The following TBC1D5 variants were observed in gnomAD, a reference collection of about 807,000 sequenced individuals.
TBC1D5 encodes TBC1 domain family, member 5.
In TBC1D5, 75 loss-of-function variants were observed where a neutral mutation model predicts 100.3. That is an observed-to-expected ratio of 0.75 (90% confidence interval 0.62 to 0.91). TBC1D5 has a LOEUF of 0.91. TBC1D5 is among the 40% of genes least tolerant of loss of function. The pLI is 0.00. For missense variants in TBC1D5, 910 were observed against 942.4 expected, an observed-to-expected ratio of 0.97 and a Z score of 0.45; for synonymous variants, 323 against 325.6, an observed-to-expected ratio of 0.99 and a Z score of 0.09.
chr3:17,696,103 T>G (rs2072023784), intron 1 of TBC1D5, among the ~76,000 whole-genome samples: 1 of 152,180 alleles, frequency 6.6e-6, no homozygotes, highest in Non-Finnish European at 1.5e-5. Context: ...TAAAGCAGTG[T>G]GTAGAGGGAA....
intron 18 of TBC1D5, among the ~76,000 whole-genome samples, chr3:17,207,740 T>C (rs1284211489): frequency 6.6e-6 from 1 of 152,232 alleles, no homozygotes; most frequent in Non-Finnish European, 1.5e-5. Context: ...TTGTCCAGGA[T>C]ATGTCATACC....
intron 2 of TBC1D5, among the ~76,000 whole-genome samples, chr3:17,594,478 G>A (rs1401895290): frequency 6.6e-6 from 1 of 152,212 alleles, no homozygotes; most frequent in African/African-American, 2.4e-5. Context: ...GTAAAAGGTA[G>A]TCATCAATAC....
At chr3:17,644,642 A>T (rs2064845089) in intron 1 of TBC1D5, among the ~76,000 whole-genome samples, 1 of 152,172 alleles carries the variant, frequency 6.6e-6, no homozygotes, top group South Asian at 2.1e-4. Context: ...TTCTTAAGAA[A>T]GATATTAAAA....
At chr3:17,407,202 A>G (rs1271214498) in intron 4 of TBC1D5, among the ~76,000 whole-genome samples, 2 of 152,174 alleles carry the variant, frequency 1.3e-5, no homozygotes, top group Admixed American at 6.6e-5. Flanking sequence ...CCAGGCATGC[A>G]GACACCAGGG....
At chr3:17,526,892 T>C (rs2096143284) in intron 2 of TBC1D5, among the ~76,000 whole-genome samples, 1 of 152,308 alleles carries the variant, frequency 6.6e-6, no homozygotes, top group East Asian at 1.9e-4. Context: ...AGATATTCCA[T>C]GCTGTTTTCT....
At chr3:17,247,092 G>T (rs2076799856) in intron 16 of TBC1D5, among the ~76,000 whole-genome samples, 1 of 152,298 alleles carries the variant, frequency 6.6e-6, no homozygotes, top group South Asian at 2.1e-4. Context: ...GGTAGGTAAG[G>T]TTAGTCACAT....
At chr3:17,525,843 C>T (rs1321763312) in intron 2 of TBC1D5, among the ~76,000 whole-genome samples, 2 of 151,948 alleles carry the variant, frequency 1.3e-5, no homozygotes, top group Admixed American at 6.5e-5. Flanking sequence ...AAACACTTTA[C>T]TTCTTTTTTA....
At chr3:17,500,071 C>T (rs1418753614) in intron 3 of TBC1D5, among the ~76,000 whole-genome samples, 1 of 149,368 alleles carries the variant, frequency 6.7e-6, no homozygotes, top group Non-Finnish European at 1.5e-5. Flanking sequence ...TTTCATTGCT[C>T]CTAGGACACT....
intron 3 of TBC1D5, among the ~76,000 whole-genome samples, chr3:17,441,244 G>A (rs1230375839): frequency 6.6e-6 from 1 of 152,170 alleles, no homozygotes; most frequent in Non-Finnish European, 1.5e-5. Flanking sequence ...CTAGGAACTA[G>A]AAGTATTATA....
rs183461356 is a variant in TBC1D5 at position 17,270,085 on chromosome 3, C to G, written c.1246-11494G>C. On this transcript the variant is annotated intron_variant, in intron 15 of 21. Transcript: ENST00000253692. ...GAAATGTCCAAACTGCTTTCCATAG[C>G]GGCTGAACTAATTTACATTCCCATC... Among the ~76,000 whole-genome samples the G allele has an allele frequency of 3.0e-3, 455 of 152,200 alleles. 4 individuals carry two copies. Among genetic ancestry groups the G allele is most frequent in the African/African-American group, 0.01 (431 of 41,554 alleles).
intron 1 of TBC1D5, among the ~76,000 whole-genome samples, chr3:17,710,360 T>C (rs1453799056): frequency 6.6e-6 from 1 of 151,642 alleles, no homozygotes; most frequent in Non-Finnish European, 1.5e-5. Context: ...AGGTCAGGAG[T>C]TCAAGACCAG....
At chr3:17,342,626 T>A (rs994437334) in intron 13 of TBC1D5, among the ~76,000 whole-genome samples, 3 of 152,296 alleles carry the variant, frequency 2.0e-5, no homozygotes, top group African/African-American at 4.8e-5. Flanking sequence ...AAGCAATCTG[T>A]ATATGTCTCA....
chr3:17,627,558 C>G (rs1180865739), intron 1 of TBC1D5, among the ~76,000 whole-genome samples: 1 of 152,006 alleles, frequency 6.6e-6, no homozygotes, highest in Non-Finnish European at 1.5e-5. Flanking sequence ...AAGGAGAACA[C>G]AGGCCCATAA....
intron 4 of TBC1D5, among the ~76,000 whole-genome samples, chr3:17,411,740 G>C (rs187077549): frequency 2.4e-4 from 36 of 152,220 alleles, no homozygotes; most frequent in African/African-American, 7.5e-4. Context: ...ATGTAATGAA[G>C]GATAATTATT....
intron 1 of TBC1D5, among the ~76,000 whole-genome samples, chr3:17,705,475 C>T (rs2073997560): frequency 1.3e-5 from 2 of 149,996 alleles, no homozygotes; most frequent in Non-Finnish European, 3.0e-5. Flanking sequence ...GGCGGAGGGG[C>T]TCCTCACTTC....
intron 15 of TBC1D5, among the ~76,000 whole-genome samples, chr3:17,273,839 G>T (rs2079685489): frequency 2.0e-5 from 3 of 149,570 alleles, no homozygotes. Flanking sequence ...TTGCTAATCT[G>T]CATATTTTCC....
At chr3:17,373,147 A>G (rs1303058712) in intron 12 of TBC1D5, among the ~76,000 whole-genome samples, 2 of 152,214 alleles carry the variant, frequency 1.3e-5, no homozygotes, top group Admixed American at 1.3e-4. Context: ...TAAAAATGTT[A>G]AAAACCACTC....
intron 2 of TBC1D5, chr3:17,586,706 G>A (rs918199137): frequency 2.6e-5 from 4 of 151,972 alleles, no homozygotes; most frequent in Non-Finnish European, 4.4e-5. Context: ...AGTTCTTAGA[G>A]GACAAACGTT....
At chr3:17,403,011 G>A (rs1050307402) in intron 8 of TBC1D5, among the ~76,000 whole-genome samples, 170 bp downstream of exon 8, 2 of 152,030 alleles carry the variant, frequency 1.3e-5, no homozygotes, top group Non-Finnish European at 2.9e-5. Flanking sequence ...TGTATCATTA[G>A]AGTAGAAAAC....
Sources: allele counts gnomAD v4.1 joint callset (sites outside exome capture counted in the v4.1 genomes callset), GRCh38; gene constraint gnomAD v4.1.1; transcripts MANE v1.5; gene names NCBI Gene and HGNC (gene_info 2026-07-23, HGNC 2026-07-21).